GLI3: variants seen among roughly 807,000 people sequenced by gnomAD.
GLI3 encodes transcription activator GLI3.
GLI3 carries 20 observed loss-of-function variants against 100.8 expected under a neutral mutation model. The ratio of observed to expected loss-of-function variants is 0.20; its 90% CI spans 0.14 to 0.29. GLI3 has a LOEUF of 0.29. Ranked by LOEUF, GLI3 falls within the 10% of genes least tolerant of loss-of-function variation. The pLI, the probability that GLI3 is intolerant of heterozygous loss-of-function variation, is 1.00. For synonymous variants in GLI3, 938 were observed against 860.5 expected, an observed-to-expected ratio of 1.09 and a Z score of -1.58; for missense variants, 2,040 against 2,128.5, an observed-to-expected ratio of 0.96 and a Z score of 0.82.
chr7:42,117,569 G>C (rs1281816376), intron 3 of GLI3, among the ~76,000 whole-genome samples: 1 of 152,182 alleles, frequency 6.6e-6, no homozygotes, highest in African/African-American at 2.4e-5. Context: ...CAATGAAATG[G>C]GTGCAGGAGA....
intron 3 of GLI3, among the ~76,000 whole-genome samples, chr7:42,120,742 T>C (rs1222884113): frequency 6.6e-6 from 1 of 152,236 alleles, no homozygotes; most frequent in Admixed American, 6.5e-5. Context: ...TTGGAATTGG[T>C]GCATGAACAT....
intron 1 of GLI3, among the ~76,000 whole-genome samples, chr7:42,226,314 G>A (rs1288579998): frequency 6.6e-6 from 1 of 152,146 alleles, no homozygotes; most frequent in African/African-American, 2.4e-5. Flanking sequence ...CTTAGCAGAG[G>A]GTGCTAATTA....
rs1327594220 is a variant in GLI3, at chr7:41,966,251, G to A, written c.2822C>T (p.Pro941Leu). The change falls in exon 15 of 15, where the codon CCG becomes CTG. Residue 941 changes from proline to leucine, a missense_variant. Physicochemically the swap from Pro to Leu is moderately conservative, Grantham distance 98 (BLOSUM62 -3). This residue lies in a region of GLI3 where 1,041 missense variants were observed against 924.0 expected (regional missense o/e 1.13). Coordinates refer to ENST00000395925, the MANE Select transcript of GLI3 (RefSeq NM_000168.6). This position sits in a 1 kb window ranked among gnomAD's most constrained non-coding sequence, Gnocchi z 5.8. The part of the protein sequence containing the change: ...AKYAAATGGP[P>L]PTPLPNMERM... ...CTCCATGTTGGGCAGGGGCGTCGGC[G>A]GCGGCCCTCCTGTGGCAGCCGCGTA... is the stretch of plus-strand genomic sequence containing the variant. 1.2e-6 allele frequency: 2 copies of A among 1,608,128 alleles called. No homozygotes were observed. Among genetic ancestry groups the A allele is most frequent in the Non-Finnish European group, 1.7e-6 (2 of 1,179,100 alleles).
intron 1 of GLI3, among the ~76,000 whole-genome samples, chr7:42,247,751 T>C (rs1334661180): frequency 6.6e-6 from 1 of 152,224 alleles, no homozygotes; most frequent in Non-Finnish European, 1.5e-5. Context: ...TGCTCAGCTC[T>C]TTCTTCAGGG....
At chr7:42,181,831 G>A (rs771820067) in intron 2 of GLI3, among the ~76,000 whole-genome samples, 18 of 152,086 alleles carry the variant, frequency 1.2e-4, no homozygotes, top group Non-Finnish European at 1.9e-4. Flanking sequence ...CATACATCTT[G>A]GTAAATAACA....
At chr7:42,230,095 GGGC>G (rs1234268274) in intron 1 of GLI3, among the ~76,000 whole-genome samples, 4 of 94,980 alleles carry the variant, frequency 4.2e-5, no homozygotes, top group Admixed American at 1.0e-4. Context: ...TGCAAGGGTT[GGGC>G]GGGGGGGGGG....
intron 2 of GLI3, among the ~76,000 whole-genome samples, chr7:42,216,625 T>C (rs1218066281): frequency 6.6e-6 from 1 of 152,152 alleles, no homozygotes; most frequent in Non-Finnish European, 1.5e-5. Flanking sequence ...AATTTTTCTG[T>C]AAACCTAAAA....
intron 10 of GLI3, among the ~76,000 whole-genome samples, chr7:42,009,565 G>A (rs1788555712): frequency 6.8e-6 from 1 of 146,054 alleles, no homozygotes; most frequent in Non-Finnish European, 1.5e-5. Flanking sequence ...CAGTCCTGAC[G>A]TTGCCACTCA....
At chr7:42,171,651 AG>A (rs1787375116) in intron 2 of GLI3, among the ~76,000 whole-genome samples, 1 of 152,200 alleles carries the variant, frequency 6.6e-6, no homozygotes, top group Admixed American at 6.5e-5. Flanking sequence ...TGGTAATCGA[AG>A]GCCCTGGGAC....
intron 2 of GLI3, among the ~76,000 whole-genome samples, chr7:42,170,846 G>T (rs1286371940): frequency 1.3e-5 from 2 of 152,164 alleles, no homozygotes; most frequent in African/African-American, 4.8e-5. Flanking sequence ...CCCTGTAGGG[G>T]TGGGAAGGAG....
At chr7:42,241,178 T>C (rs1177865380), upstream of GLI3, among the ~76,000 whole-genome samples, 6 of 152,230 alleles carry the variant, frequency 3.9e-5, no homozygotes, top group African/African-American at 7.2e-5. Context: ...TACTGGGTTC[T>C]GTTTTCATCT....
At chr7:41,991,590 AAG>A (rs1310435020) in intron 10 of GLI3, among the ~76,000 whole-genome samples, 2 of 152,226 alleles carry the variant, frequency 1.3e-5, no homozygotes, top group Admixed American at 6.5e-5. Context: ...AGTTTAGAGA[AAG>A]AGCATAAGCC....
chr7:42,201,095 C>T (rs1019046), intron 2 of GLI3, among the ~76,000 whole-genome samples: 124,564 of 152,126 alleles, frequency 0.82, 51,187 homozygotes, highest in East Asian at 0.88. Context: ...TATATACTTA[C>T]GATACCGTTT....
intron 7 of GLI3, among the ~76,000 whole-genome samples, chr7:42,034,866 A>G (rs1227556570): frequency 6.6e-6 from 1 of 151,948 alleles, no homozygotes; most frequent in East Asian, 1.9e-4. Flanking sequence ...ATATGCTTAG[A>G]GGCTTTTCCC....
chr7:42,097,367 C>T (rs954375394), intron 3 of GLI3, among the ~76,000 whole-genome samples: 4 of 152,162 alleles, frequency 2.6e-5, no homozygotes, highest in Admixed American at 1.3e-4. Flanking sequence ...GGGCAGGGGG[C>T]GGGAGATGTG....
chr7:42,198,513 G>A (rs1361088406), intron 2 of GLI3, among the ~76,000 whole-genome samples: 1 of 152,060 alleles, frequency 6.6e-6, no homozygotes, highest in Non-Finnish European at 1.5e-5. Context: ...CGGGGATGTG[G>A]GAGGACTGCA....
chr7:42,186,403 C>T (rs1249428535), intron 2 of GLI3, among the ~76,000 whole-genome samples: 1 of 152,150 alleles, frequency 6.6e-6, no homozygotes, highest in Middle Eastern at 3.2e-3. Flanking sequence ...CCATGAGAGA[C>T]TCACAGAAAG....
chr7:42,113,346 C>T (rs552358629), intron 3 of GLI3: 13 of 647,852 alleles, frequency 2.0e-5, no homozygotes, highest in South Asian at 1.0e-4. Flanking sequence ...ACCTACGTCC[C>T]GTCGCTGTTG....
chr7:41,990,207 A>G (rs2128717692), intron 10 of GLI3, among the ~76,000 whole-genome samples: 1 of 152,098 alleles, frequency 6.6e-6, no homozygotes, highest in South Asian at 2.1e-4. Context: ...CTTGATTACA[A>G]AGGTAGGCAC....
Sources: gnomAD v4.1 joint callset for allele counts (sites outside exome capture counted in the v4.1 genomes callset) on GRCh38, gnomAD v4.1.1 for gene constraint, gnomAD v4.1.1 regional missense constraint, Gnocchi (gnomAD v3.1) non-coding constraint, MANE v1.5 for transcripts, NCBI Gene and HGNC (gene_info 2026-07-23, HGNC 2026-07-21) for gene names.